The following TBCD variants were observed in gnomAD, a reference collection of about 807,000 sequenced individuals.
The protein encoded by TBCD is tubulin folding cofactor D.
Under a neutral mutation model 169.3 loss-of-function variants are expected in TBCD, and 105 were observed. The observed-to-expected ratio is 0.62, with a 90% CI of 0.53 to 0.73. The LOEUF is 0.73. Among genes scored for constraint, TBCD ranks in the 30% least tolerant of loss-of-function variants. The pLI is 0.00. For synonymous variants in TBCD, 700 were observed against 643.9 expected (o/e 1.09, Z -1.32); for missense variants, 1,444 against 1,600.1 (o/e 0.90, Z 1.66).
At chr17:82,921,629 T>G in intron 25 of TBCD, 52 bp downstream of exon 25, 1 of 1,548,398 alleles carries the variant, frequency 6.5e-7, no homozygotes, top group Non-Finnish European at 8.9e-7. Flanking sequence ...GTTAGTGTGT[T>G]AGTCACGGAT....
At chr17:82,823,445 C>T (rs755308752) in intron 13 of TBCD, among the ~76,000 whole-genome samples, 29 of 152,314 alleles carry the variant, frequency 1.9e-4, no homozygotes, top group East Asian at 3.9e-4. Flanking sequence ...TGACTTTGTA[C>T]GTGGACCGAT....
chr17:82,937,707 G>A (rs1174558680), intron 35 of TBCD: 14 of 673,212 alleles, frequency 2.1e-5, no homozygotes, highest in Non-Finnish European at 2.9e-5. Flanking sequence ...GCTCTGCGGC[G>A]CTCAGGTGGA....
chr17:82,795,384 T>G (rs1179680133), intron 7 of TBCD: 1 of 205,176 alleles, frequency 4.9e-6, no homozygotes, highest in Non-Finnish European at 8.6e-6. Context: ...CTGAGAGAGG[T>G]CATTTCCCGG....
intron 1 of TBCD, among the ~76,000 whole-genome samples, chr17:82,752,635 G>T (rs1195790951): frequency 6.6e-6 from 1 of 152,154 alleles, no homozygotes; most frequent in Non-Finnish European, 1.5e-5. Flanking sequence ...CTCTCGCACG[G>T]GGTGAAGCCT....
chr17:82,870,156 T>A, intron 13 of TBCD, 68 bp from the exon 14 acceptor site: 1 of 1,600,606 alleles, frequency 6.2e-7, no homozygotes, highest in Admixed American at 1.7e-5. Flanking sequence ...TGAGCCCCAC[T>A]TCTCTGAAGC....
chr17:82,867,940 G>A (rs371167011), intron 13 of TBCD, among the ~76,000 whole-genome samples: 1 of 152,174 alleles, frequency 6.6e-6, no homozygotes, highest in South Asian at 2.1e-4. Context: ...GGTCCCCCAG[G>A]GGGAGGACTC....
chr17:82,769,004 C>G (rs975681287), intron 5 of TBCD, among the ~76,000 whole-genome samples: 7 of 152,132 alleles, frequency 4.6e-5, no homozygotes, highest in Non-Finnish European at 8.8e-5. Flanking sequence ...CGAACTTTTC[C>G]TGATGTAAAT....
chr17:82,932,270 G>A (rs1017953090), intron 33 of TBCD: 7 of 361,660 alleles, frequency 1.9e-5, no homozygotes, highest in African/African-American at 1.3e-4. Flanking sequence ...ATGGTATAGC[G>A]TCGGCACAGG....
rs144111183 is a variant in TBCD at position 82,833,066 on chromosome 17, C to A, written c.1318+18132C>A. Among the ~76,000 whole-genome samples the A allele has an allele frequency of 6.6e-6, 1 of 152,256 alleles. No homozygotes were observed. Among genetic ancestry groups the A allele is most frequent in the East Asian group, 1.9e-4 (1 of 5,168 alleles). On this transcript the variant is annotated intron_variant, in intron 13 of 38. Transcript: ENST00000355528. This position sits in a 1 kb window ranked among gnomAD's most constrained non-coding sequence, Gnocchi z 4.7. Reference sequence around the variant, plus strand: ...AGTCCTGTCCCAGGGCTGCCCGACTCTGCTTGGGGGTTACACGCTTGAAGC... The same window carrying A: ...AGTCCTGTCCCAGGGCTGCCCGACTATGCTTGGGGGTTACACGCTTGAAGC...
In TBCD at chr17:82,880,574, G is replaced by A. The variant is rs2058284529; in HGVS notation, c.1476-3571G>A. Reference sequence around the variant, plus strand: ...AACTGAAAGACCTGGGTGTGCTGCTGGATGCCCCAAGGATCTGGCAGGAGG... The same window carrying A: ...AACTGAAAGACCTGGGTGTGCTGCTAGATGCCCCAAGGATCTGGCAGGAGG... On this transcript the variant is annotated intron_variant, in intron 14 of 38. Coordinates refer to ENST00000355528, the MANE Select transcript of TBCD (RefSeq NM_005993.5). The surrounding 1 kb of genome is among the most constrained non-coding windows in gnomAD (Gnocchi z 5.0). Among the ~76,000 whole-genome samples, 1 of 152,242 alleles carries A rather than the reference G, an allele frequency of 6.6e-6. No homozygotes were observed. Among genetic ancestry groups the A allele is most frequent in the Admixed American group, 6.5e-5 (1 of 15,282 alleles).
In TBCD at chr17:82,943,126, C is replaced by T. The variant is rs3603; in HGVS notation, c.*663C>T. 26,815 of 152,770 alleles carry T rather than the reference C, an allele frequency of 0.18. 2,729 individuals are homozygous for T. Among genetic ancestry groups the T allele is most frequent in the Admixed American group, 0.24 (3,649 of 15,324 alleles). The allele number at this position is 152,770 out of a possible 1,614,324, so 9.5% of individuals were successfully genotyped here. On this transcript the variant is annotated 3_prime_UTR_variant, in exon 39 of 39. Transcript: ENST00000355528. ...CACAAATGTCTGCTGCAAGGGGAATCGTCAGAGTCCAATGTGTGCCTCTAC... is the reference window on the plus strand; with the variant it reads ...CACAAATGTCTGCTGCAAGGGGAATTGTCAGAGTCCAATGTGTGCCTCTAC...
At chr17:82,790,808 ATCC>A (rs1027499389) in intron 7 of TBCD, among the ~76,000 whole-genome samples, 2 of 151,698 alleles carry the variant, frequency 1.3e-5, no homozygotes, top group Non-Finnish European at 2.9e-5. Flanking sequence ...TGGTTGGTGG[ATCC>A]TCCTCCTGCT....
intron 2 of TBCD, among the ~76,000 whole-genome samples, chr17:82,757,215 G>A (rs535502737): frequency 1.7e-4 from 26 of 152,310 alleles, no homozygotes; most frequent in African/African-American, 5.8e-4. Context: ...CTCGCCCCCC[G>A]TGGTGTTGAG....
chr17:82,926,549 C>T lies in TBCD; in HGVS notation c.2471+58C>T, dbSNP rs540793277. On this transcript the variant is annotated intron_variant, in intron 28 of 38. Coordinates refer to ENST00000355528, the MANE Select transcript of TBCD (RefSeq NM_005993.5). ...AGTCTCTGAAAGGCCAGCAGATGAA[C>T]GCTAAGGGGGATGTTTTTGCTCAGA... 1.9e-3 allele frequency: 2,672 copies of T among 1,435,574 alleles called. 9 individuals are homozygous for T. The highest frequency in any genetic ancestry group is 4.2e-3 in the South Asian group (356 of 85,428). The allele number at this position is 1,435,574 out of a possible 1,614,324, so 88.9% of individuals were successfully genotyped here.
rs181048215 is a variant in TBCD at position 82,853,715 on chromosome 17, T to C, written c.1319-16509T>C. On this transcript the variant is annotated intron_variant, in intron 13 of 38. Transcript: ENST00000355528. ...CCACTGTTAATGGCCCCAGCTTTCT[T>C]TGGGTTCGTGTTTTCTCAGTGTATT... Among the ~76,000 whole-genome samples the C allele has an allele frequency of 5.0e-3, 763 of 152,274 alleles. 7 individuals carry two copies. The highest frequency in any genetic ancestry group is 0.021 in the South Asian group (101 of 4,822).
intron 13 of TBCD, among the ~76,000 whole-genome samples, chr17:82,844,206 CGTGTGTGT>C (rs769300875): frequency 4.7e-5 from 6 of 127,410 alleles, no homozygotes; most frequent in South Asian, 2.9e-4. Flanking sequence ...GGATGTTCTC[CGTGTGTGT>C]GTGTGTGTGT....
chr17:82,887,650 C>T (rs79745796), intron 15 of TBCD, among the ~76,000 whole-genome samples: 6,333 of 152,224 alleles, frequency 0.042, 250 homozygotes, highest in African/African-American at 0.11. Context: ...GTTTCTGGGT[C>T]GTGGTAGTTG....
At chr17:82,931,432 C>T (rs950092316) in intron 33 of TBCD, among the ~76,000 whole-genome samples, 11 of 152,262 alleles carry the variant, frequency 7.2e-5, no homozygotes, top group African/African-American at 9.6e-5. Flanking sequence ...CCCTGACCTG[C>T]GTCACCATAG....
rs543630585 is a variant in TBCD at position 82,927,294 on chromosome 17, C to T, written c.2580C>T (p.Thr860=). 178 of 1,613,946 alleles carry T rather than the reference C, an allele frequency of 1.1e-4. 2 individuals are homozygous for T. In the South Asian group the frequency reaches 1.9e-3, roughly 17 times the overall value. ...TGCTGGGCTGCATGGACGACTACAC[C>T]ACGGACAGCAGAGGGGACGTGGGCA... ...CALLGCMDDY[T]TDSRGDVGTW... The change falls in exon 29 of 39, where the codon ACC becomes ACT. Residue 860 remains threonine (T), a synonymous_variant. Transcript: ENST00000355528.
Sources: gnomAD v4.1 joint callset for allele counts (sites outside exome capture counted in the v4.1 genomes callset) on GRCh38, gnomAD v4.1.1 for gene constraint, Gnocchi (gnomAD v3.1) non-coding constraint, MANE v1.5 for transcripts, NCBI Gene and HGNC (gene_info 2026-07-23, HGNC 2026-07-21) for gene names.